The following GNB4 variants were observed in gnomAD, a reference collection of about 807,000 sequenced individuals.
The protein encoded by GNB4 is G protein subunit beta 4.
GNB4 carries 28 observed loss-of-function variants against 45.2 expected under a neutral mutation model. The ratio of observed to expected loss-of-function variants is 0.62; its 90% CI spans 0.46 to 0.85. GNB4 has a LOEUF of 0.85. Ranked by LOEUF, GNB4 falls within the 40% of genes least tolerant of loss-of-function variation. The pLI is 0.00. For missense variants in GNB4, 321 were observed against 425.4 expected (o/e 0.75, Z 2.16); for synonymous variants, 132 against 143.7 (o/e 0.92, Z 0.58).
the GNB4 span, among the ~76,000 whole-genome samples, chr3:179,476,859 T>TA: frequency 2.0e-5 from 3 of 151,848 alleles, no homozygotes; most frequent in Non-Finnish European, 4.4e-5. Context: ...CTGAAGTTTC[T>TA]AAAAAATCTT....
the GNB4 span, among the ~76,000 whole-genome samples, chr3:179,486,388 T>C: frequency 1.2e-3 from 178 of 152,326 alleles, 1 homozygote; most frequent in African/African-American, 4.0e-3. Flanking sequence ...TGATTTTGCA[T>C]TGTTCTCCAG....
At chr3:179,485,838 G>A in the GNB4 span, among the ~76,000 whole-genome samples, 7 of 152,170 alleles carry the variant, frequency 4.6e-5, no homozygotes, top group African/African-American at 1.7e-4. Context: ...TACTCAGGAG[G>A]CTGAGGCAGG....
chr3:179,485,931 C>T, the GNB4 span, among the ~76,000 whole-genome samples: 415 of 151,392 alleles, frequency 2.7e-3, 2 homozygotes, highest in African/African-American at 9.5e-3. Context: ...CAGTGAGACT[C>T]TGTCTCAAAA....
chr3:179,419,466 G>A lies in GNB4; in HGVS notation c.136C>T (p.Arg46Ter), dbSNP rs1252790676. ...NMDSVGRIQM[R>*]TRRTLRGHLA... ...TGGCCCCTCAGTGTACGTCTTGTTC[G>A]CATTTGTATTCGACCCACAGAGTCC... The change falls in exon 4 of 10, where the codon CGA becomes TGA. Residue 46 changes from arginine to a stop codon, truncating the protein, a stop_gained. Coordinates refer to ENST00000232564, the MANE Select transcript of GNB4 (RefSeq NM_021629.4). LOFTEE classifies it high-confidence loss of function. 2.5e-6 allele frequency: 4 copies of A among 1,612,618 alleles called. No individual in the cohort carries two copies. The highest frequency in any genetic ancestry group is 2.5e-6 in the Non-Finnish European group (3 of 1,178,720).
At chr3:179,401,879 C>G (rs1714313402) in intron 9 of GNB4, among the ~76,000 whole-genome samples, 1 of 152,194 alleles carries the variant, frequency 6.6e-6, no homozygotes, top group Non-Finnish European at 1.5e-5. Context: ...CCATGAAACT[C>G]ATCTAGTTTT....
In GNB4 at chr3:179,400,179, T is replaced by C. The variant is rs1714244832; in HGVS notation, c.*1034A>G. 6.6e-6 allele frequency: 1 copy of C among 152,232 alleles called. No individual in the cohort carries two copies. Among genetic ancestry groups the C allele is most frequent in the Non-Finnish European group, 1.5e-5 (1 of 68,042 alleles). 9.4% of individuals were successfully genotyped at this position (152,232 alleles called of 1,614,324 possible). On this transcript the variant is annotated 3_prime_UTR_variant, in exon 10 of 10. Transcript: ENST00000232564. Reference sequence around the variant, plus strand: ...TAAAGGCACAGATATTTCACATCAATTCAGATTTTATAGTATGCAAACATG... The same window carrying C: ...TAAAGGCACAGATATTTCACATCAACTCAGATTTTATAGTATGCAAACATG...
chr3:179,405,366 T>G lies in GNB4; in HGVS notation c.740A>C (p.Asp247Ala). 1 of 1,613,834 alleles carries G rather than the reference T, an allele frequency of 6.2e-7. No homozygotes were observed. Among genetic ancestry groups the G allele is most frequent in the Non-Finnish European group, 8.5e-7 (1 of 1,179,772 alleles). ...NGYAFATGSD[D>A]ATCRLFDLRA... is the part of the protein sequence containing the mutation. ...AAGGTCAAAGAGCCGGCAAGTGGCA[T>G]CATCAGAGCCAGTGGCGAAGGCATA... The change falls in exon 9 of 10, where the codon GAT (aspartate) becomes GCT (alanine). Residue 247 changes from aspartate to alanine, a missense_variant. Asp to Ala is a moderately radical substitution (Grantham distance 126). Transcript: ENST00000232564.
chr3:179,441,563 G>T (rs1577039805), intron 1 of GNB4, among the ~76,000 whole-genome samples: 1 of 151,920 alleles, frequency 6.6e-6, no homozygotes, highest in African/African-American at 2.4e-5. Flanking sequence ...GTGAAACCCT[G>T]TGTTTACTAA....
chr3:179,488,454 C>G, the GNB4 span, among the ~76,000 whole-genome samples: 1 of 152,118 alleles, frequency 6.6e-6, no homozygotes, highest in African/African-American at 2.4e-5. Context: ...CTATTCCAAT[C>G]CCTCCTCCTT....
At chr3:179,412,434 T>C (rs1456076457) in intron 8 of GNB4, among the ~76,000 whole-genome samples, 3 of 151,888 alleles carry the variant, frequency 2.0e-5, no homozygotes, top group African/African-American at 4.8e-5. Context: ...GCTATGATCA[T>C]GCCATTGTAC....
chr3:179,440,308 C>A (rs1715563078), intron 1 of GNB4, among the ~76,000 whole-genome samples: 1 of 152,052 alleles, frequency 6.6e-6, no homozygotes. Context: ...AGTTAGGAAC[C>A]AAGCTGTCTT....
At chr3:179,464,783 G>C in the GNB4 span, 2 of 1,318,122 alleles carry the variant, frequency 1.5e-6, no homozygotes, top group Non-Finnish European at 2.2e-6. Flanking sequence ...GATCTGCAAT[G>C]CTGTTTCTCC....
chr3:179,416,653 A>T, intron 4 of GNB4, 97 bp from the exon 5 acceptor site: 1 of 653,462 alleles, frequency 1.5e-6, no homozygotes, highest in Non-Finnish European at 2.5e-6. Flanking sequence ...TCAGAAAAAT[A>T]CAATTTTTCC....
In GNB4 at chr3:179,405,420, TAAC is replaced by T; in HGVS notation, c.700-17_700-15del. 2 of 1,554,834 alleles carry T rather than the reference TAAC, an allele frequency of 1.3e-6. No individual in the cohort carries two copies. The highest frequency in any genetic ancestry group is 3.4e-5 in the Admixed American group (2 of 58,740). On this transcript the variant is annotated splice_polypyrimidine_tract_variant and intron_variant, in intron 8 of 9. Transcript: ENST00000232564. ...ATTTGGGAAAAACTAGACAGGAAAG[TAAC>T]AAACATTTATTCTACAGATGTATGC...
chr3:179,508,369 C>G, the GNB4 span, among the ~76,000 whole-genome samples: 4 of 152,336 alleles, frequency 2.6e-5, no homozygotes, highest in East Asian at 7.7e-4. Context: ...ATGGGCACAG[C>G]AGACCCCTCA....
intron 1 of GNB4, among the ~76,000 whole-genome samples, chr3:179,430,073 GACAGACAGACAGACAGAC>G (rs1416262049): frequency 4.8e-5 from 3 of 62,324 alleles, no homozygotes; most frequent in East Asian, 7.5e-4. Flanking sequence ...CTGAGAGAGA[GACAGACAGACAGACAGAC>G]AGACAGACAG....
chr3:179,439,507 C>T (rs1022300539), intron 1 of GNB4, among the ~76,000 whole-genome samples: 4 of 150,340 alleles, frequency 2.7e-5, no homozygotes, highest in African/African-American at 9.8e-5. Flanking sequence ...CTGAAGAAAT[C>T]CTTGTGGGCC....
chr3:179,509,653 C>CT, the GNB4 span, among the ~76,000 whole-genome samples: 925 of 141,328 alleles, frequency 6.5e-3, 1 homozygote, highest in Non-Finnish European at 9.7e-3. Context: ...TCCCTTCCCT[C>CT]TTTTTTTTTT....
At chr3:179,503,815 G>A in the GNB4 span, among the ~76,000 whole-genome samples, 1 of 152,226 alleles carries the variant, frequency 6.6e-6, no homozygotes, top group African/African-American at 2.4e-5. Context: ...TTAAAGGGCA[G>A]TGGCCTTAAA....
Sources: allele counts gnomAD v4.1 joint callset (sites outside exome capture counted in the v4.1 genomes callset), GRCh38; gene constraint gnomAD v4.1.1; transcripts MANE v1.5; gene names NCBI Gene and HGNC (gene_info 2026-07-23, HGNC 2026-07-21).